The following DBF4 variants were observed in gnomAD, a reference collection of about 807,000 sequenced individuals.
DBF4 encodes the protein protein DBF4 homolog A.
DBF4 carries 25 observed loss-of-function variants against 76.6 expected under a neutral mutation model. That is an observed-to-expected ratio of 0.33 (90% confidence interval 0.24 to 0.46). DBF4 has a LOEUF of 0.46. Among genes scored for constraint, DBF4 ranks in the 20% least tolerant of loss-of-function variants. The pLI, the probability that DBF4 is intolerant of heterozygous loss-of-function variation, is 1.00. For synonymous variants in DBF4, 213 were observed against 258.0 expected, an observed-to-expected ratio of 0.83 and a Z score of 1.67; for missense variants, 638 against 760.8, an observed-to-expected ratio of 0.84 and a Z score of 1.90.
Position 87,904,366 on chromosome 7 carries a change from G to A in DBF4, c.999G>A (p.Lys333=), listed in dbSNP as rs547756955. ...QYQVVDDIVS[K]LVFDFVEYEK... ...AAGTTGTTGATGATATTGTATCTAAGTTAGTTTTTGACTTTGTGGAATATG... is the reference window on the plus strand; with the variant it reads ...AAGTTGTTGATGATATTGTATCTAAATTAGTTTTTGACTTTGTGGAATATG... Residue 333 remains lysine, a synonymous_variant, in exon 11 of 12, where the codon AAG becomes AAA. Coordinates refer to ENST00000265728, the MANE Select transcript of DBF4 (RefSeq NM_006716.4). The A allele has an allele frequency of 6.2e-7, 1 of 1,613,272 alleles. No individual in the cohort carries two copies. Among genetic ancestry groups the A allele is most frequent in the South Asian group, 1.1e-5 (1 of 91,028 alleles).
At chr7:87,886,535 C>CAAAA (rs11411808) in intron 3 of DBF4, among the ~76,000 whole-genome samples, 10 of 54,212 alleles carry the variant, frequency 1.8e-4, no homozygotes, top group South Asian at 2.0e-3. Context: ...ACTTTGTCTC[C>CAAAA]AAAAAAAAAA....
At chr7:87,880,410 C>G (rs955827596) in intron 2 of DBF4, among the ~76,000 whole-genome samples, 2 of 152,098 alleles carry the variant, frequency 1.3e-5, no homozygotes, top group African/African-American at 2.4e-5. Context: ...TCCCAAAAAT[C>G]CAAAGCTGTG....
chr7:87,877,210 AT>A (rs1455640067), intron 1 of DBF4, among the ~76,000 whole-genome samples: 3 of 152,174 alleles, frequency 2.0e-5, no homozygotes, highest in African/African-American at 7.2e-5. Flanking sequence ...TTGTGGGTGG[AT>A]TTTTGGTCTT....
chr7:87,904,358 G>A lies in DBF4; in HGVS notation c.991G>A (p.Val331Ile). The change falls in exon 11 of 12, where the codon GTA becomes ATA. Residue 331 changes from valine to isoleucine, a missense_variant. Coordinates refer to ENST00000265728, the MANE Select transcript of DBF4 (RefSeq NM_006716.4). ...SNQYQVVDDI[V>I]SKLVFDFVEY... ...CCAGTATCAAGTTGTTGATGATATT[G>A]TATCTAAGTTAGTTTTTGACTTTGT... The A allele has an allele frequency of 6.2e-7, 1 of 1,613,792 alleles. No individual in the cohort carries two copies. Among genetic ancestry groups the A allele is most frequent in the African/African-American group, 1.3e-5 (1 of 75,022 alleles).
chr7:87,877,796 A>G (rs76206152), intron 1 of DBF4, among the ~76,000 whole-genome samples: 4,268 of 152,340 alleles, frequency 0.028, 60 homozygotes, highest in Middle Eastern at 0.048. Context: ...AGAGTTTTAT[A>G]TAGTTCCGTG....
At chr7:87,896,333 G>T in intron 6 of DBF4, 141 bp from the exon 7 acceptor site, 1 of 655,696 alleles carries the variant, frequency 1.5e-6, no homozygotes, top group Non-Finnish European at 2.6e-6. Context: ...AAAAACAATA[G>T]TTTTTTTTAA....
chr7:87,903,910 G>A (rs1460153785), intron 10 of DBF4, among the ~76,000 whole-genome samples: 2 of 152,090 alleles, frequency 1.3e-5, no homozygotes, highest in African/African-American at 4.8e-5. Context: ...TGGCCAAGCT[G>A]GTCTCAAACT....
At chr7:87,887,182 C>T (rs1415647896) in intron 4 of DBF4, 147 bp from the exon 5 acceptor site, 1 of 692,826 alleles carries the variant, frequency 1.4e-6, no homozygotes, top group Non-Finnish European at 2.3e-6. Context: ...TATAGAAAAT[C>T]TTGATGTCCT....
Position 87,897,338 on chromosome 7 carries a change from C to A in DBF4, c.679C>A (p.Gln227Lys), listed in dbSNP as rs757318189. The change falls in exon 8 of 12, where the codon CAA (glutamine) becomes AAA (lysine). Residue 227 changes from glutamine (Q) to lysine (K), a missense_variant and splice_region_variant. Transcript: ENST00000265728. ...KPFVKVEDMSQLYRPFYLQLT... is the reference protein window; with the variant it reads ...KPFVKVEDMSKLYRPFYLQLT... ...TTTTGTAAAGGTGGAAGATATGAGCCAGTAAGTATTTAAGTCCAATCTGTA... is the reference window on the plus strand; with the variant it reads ...TTTTGTAAAGGTGGAAGATATGAGCAAGTAAGTATTTAAGTCCAATCTGTA... 2 of 1,612,162 alleles carry A rather than the reference C, an allele frequency of 1.2e-6. No individual in the cohort carries two copies. Among genetic ancestry groups the A allele is most frequent in the Admixed American group, 1.7e-5 (1 of 59,868 alleles).
chr7:87,876,773 T>G lies in DBF4; in HGVS notation c.41T>G (p.Phe14Cys). 1 of 1,614,132 alleles carries G rather than the reference T, an allele frequency of 6.2e-7. No homozygotes were observed. The highest frequency in any genetic ancestry group is 1.1e-5 in the South Asian group (1 of 91,082). ...GAMRIHSKGH[F>C]QGGIQVKNEK... ...ATGAGGATCCACAGTAAAGGACATT[T>G]CCAGGGTAAGAAGCCCCTCCTCCGC... The change falls in exon 1 of 12, where the codon TTC becomes TGC. Residue 14 changes from phenylalanine to cysteine, a missense_variant. By Grantham distance (205) the Phe-to-Cys change is radical (BLOSUM62 -2). Transcript: ENST00000265728.
At position 87,878,034 on chromosome 7, in the gene DBF4, T is replaced by C; in HGVS notation, c.47-19T>C. 6.4e-7 allele frequency: 1 copy of C among 1,557,448 alleles called. No individual in the cohort carries two copies. The highest frequency in any genetic ancestry group is 1.2e-5 in the South Asian group (1 of 83,570). ...AAAAGTGTCTGTGTAAAACATCTGA[T>C]TCTAAACATCTTTAATAGGTGGAAT... On this transcript the variant is annotated intron_variant, in intron 1 of 11. Transcript: ENST00000265728.
At chr7:87,892,026 A>T (rs1400534942) in intron 6 of DBF4, among the ~76,000 whole-genome samples, 2 of 152,224 alleles carry the variant, frequency 1.3e-5, no homozygotes, top group African/African-American at 2.4e-5. Context: ...GATGTTTTAC[A>T]TACTCCTTGT....
intron 8 of DBF4, among the ~76,000 whole-genome samples, chr7:87,898,919 A>T (rs1839703293): frequency 6.6e-6 from 1 of 152,212 alleles, no homozygotes; most frequent in South Asian, 2.1e-4. Context: ...AATGGAATAG[A>T]ATAGAGAGCC....
intron 11 of DBF4, among the ~76,000 whole-genome samples, chr7:87,904,674 C>T (rs1839872452): frequency 6.6e-6 from 1 of 152,128 alleles, no homozygotes; most frequent in Non-Finnish European, 1.5e-5. Flanking sequence ...ACCCAGGAGG[C>T]AGAGGTTGCA....
At chr7:87,898,519 C>T (rs143218581) in intron 8 of DBF4, among the ~76,000 whole-genome samples, 5 of 152,186 alleles carry the variant, frequency 3.3e-5, no homozygotes, top group Admixed American at 2.6e-4. Context: ...AGGCCAGGCG[C>T]GGTGGCTCAC....
chr7:87,882,147 G>A (rs1584353046), intron 2 of DBF4, among the ~76,000 whole-genome samples: 1 of 152,142 alleles, frequency 6.6e-6, no homozygotes, highest in Admixed American at 6.5e-5. Context: ...CAGACCAATA[G>A]AGTAGAACAG....
At chr7:87,895,631 T>G (rs1168339727) in intron 6 of DBF4, among the ~76,000 whole-genome samples, 1 of 152,190 alleles carries the variant, frequency 6.6e-6, no homozygotes, top group Non-Finnish European at 1.5e-5. Flanking sequence ...CATGTGCAAC[T>G]TGGAGGTAAG....
Position 87,908,061 on chromosome 7 carries a change from T to G in DBF4, c.1923T>G (p.Ser641Arg). 1 of 1,613,350 alleles carries G rather than the reference T, an allele frequency of 6.2e-7. No individual in the cohort carries two copies. The highest frequency in any genetic ancestry group is 8.5e-7 in the Non-Finnish European group (1 of 1,179,672). ...FLGFTSYTEK[S>R]GICNVLDIWE... ...GTTTCACAAGCTACACAGAAAAGAG[T>G]GGTATATGCAATGTTTTAGATATTT... The change falls in exon 12 of 12, where the codon AGT (serine) becomes AGG (arginine). Residue 641 changes from serine to arginine, a missense_variant. Ser to Arg is a moderately radical substitution (Grantham distance 110). Coordinates refer to ENST00000265728, the MANE Select transcript of DBF4 (RefSeq NM_006716.4).
intron 8 of DBF4, among the ~76,000 whole-genome samples, chr7:87,898,084 G>T (rs980534025): frequency 2.0e-5 from 3 of 152,190 alleles, no homozygotes; most frequent in African/African-American, 7.2e-5. Flanking sequence ...AGCCATGTGG[G>T]ATAATCTTAA....
Sources: allele counts gnomAD v4.1 joint callset (sites outside exome capture counted in the v4.1 genomes callset), GRCh38; gene constraint gnomAD v4.1.1; transcripts MANE v1.5; gene names NCBI Gene and HGNC (gene_info 2026-07-23, HGNC 2026-07-21).